Variants in CEMIP2 observed in about 807,000 individuals in gnomAD.
CEMIP2 encodes the protein cell migration inducing hyaluronidase 2.
In CEMIP2, 79 loss-of-function variants were observed where a neutral mutation model predicts 146.9. The observed-to-expected ratio is 0.54, with a 90% CI of 0.45 to 0.65. The LOEUF (loss-of-function observed/expected upper bound fraction) is 0.65, where lower values mean the gene tolerates loss of function less well. Among genes scored for constraint, CEMIP2 ranks in the 30% least tolerant of loss-of-function variants. CEMIP2 has a pLI of 0.00. For synonymous variants in CEMIP2, 601 were observed against 606.3 expected (o/e 0.99, Z 0.13); for missense variants, 1,596 against 1,696.2 (o/e 0.94, Z 1.04).
rs947579719 is a variant in CEMIP2 at position 71,747,511 on chromosome 9, T to C, written c.332-1170A>G. On this transcript the variant is annotated intron_variant, in intron 2 of 23. Transcript: ENST00000377044. ...CATGAGAACACTAGTAATGCAATTATCCCTTGAGATCCAAGTAGTCCATTT... is the reference window on the plus strand; with the variant it reads ...CATGAGAACACTAGTAATGCAATTACCCCTTGAGATCCAAGTAGTCCATTT... Among the ~76,000 whole-genome samples, 4 of 152,190 alleles carry C rather than the reference T, an allele frequency of 2.6e-5. No individual in the cohort carries two copies. In the South Asian group the frequency reaches 6.2e-4, roughly 24 times the overall value.
At chr9:71,720,492 G>A (rs1351468634) in intron 12 of CEMIP2, among the ~76,000 whole-genome samples, 4 of 152,020 alleles carry the variant, frequency 2.6e-5, no homozygotes, top group Admixed American at 6.6e-5. Context: ...GGGCTTCACC[G>A]TGTTGGCCAG....
Position 71,718,003 on chromosome 9 carries a change from T to G in CEMIP2, c.2344A>C (p.Asn782His), listed in dbSNP as rs938685844. 6.2e-7 allele frequency: 1 copy of G among 1,613,362 alleles called. No individual in the cohort carries two copies. Among genetic ancestry groups the G allele is most frequent in the Middle Eastern group, 1.7e-4 (1 of 6,016 alleles). ...ALIDRLIAFK[N>H]NDNGAWVRGG... ...CTGACCCAAGCTCCATTATCATTAT[T>G]TTTAAAAGCAATGAGCCTGTCAATT... Residue 782 changes from asparagine to histidine, a missense_variant, in exon 13 of 24, where the codon AAT (asparagine) becomes CAT (histidine). Physicochemically the swap from Asn to His is moderately conservative, Grantham distance 68 (BLOSUM62 1). Transcript: ENST00000377044.
At chr9:71,711,897 G>A (rs1822915551) in intron 16 of CEMIP2, among the ~76,000 whole-genome samples, 186 bp downstream of exon 16, 1 of 152,122 alleles carries the variant, frequency 6.6e-6, no homozygotes, top group African/African-American at 2.4e-5. Context: ...AGAGTCACAC[G>A]GGACTTCTGT....
At chr9:71,712,769 A>G (rs1822946043) in intron 15 of CEMIP2, among the ~76,000 whole-genome samples, 1 of 152,232 alleles carries the variant, frequency 6.6e-6, no homozygotes, top group African/African-American at 2.4e-5. Context: ...AAGGCTTACC[A>G]TGTCAACAGG....
In CEMIP2 at chr9:71,734,853, G is replaced by A; in HGVS notation, c.1346C>T (p.Thr449Ile). The A allele has an allele frequency of 3.1e-6, 5 of 1,613,896 alleles. No individual in the cohort carries two copies. The highest frequency in any genetic ancestry group is 4.2e-6 in the Non-Finnish European group (5 of 1,179,916). The change falls in exon 6 of 24, where the codon ACT becomes ATT. Residue 449 changes from threonine to isoleucine, a missense_variant. Thr to Ile is a moderately conservative substitution (Grantham distance 89). Transcript: ENST00000377044. ...DYSMYQAEEF[T>I]LLPCSECSHF... ...GCTGCATTCAGAACAGGGAAGAAGA[G>A]TGAACTCCTCTGCTTGGTACATGGA... is the stretch of plus-strand genomic sequence containing the variant.
Position 71,698,009 on chromosome 9 carries a change from G to A in CEMIP2, c.3573C>T (p.Leu1191=). 4 of 1,614,144 alleles carry A rather than the reference G, an allele frequency of 2.5e-6. No homozygotes were observed. Among genetic ancestry groups the A allele is most frequent in the Non-Finnish European group, 3.4e-6 (4 of 1,180,014 alleles). The change falls in exon 20 of 24, where the codon CTC becomes CTT. Residue 1191 remains leucine (L), a synonymous_variant. Transcript: ENST00000377044. The stretch of plus-strand genomic sequence containing the variant: ...CCTGCCGAGTGCCACAGCCTTGACA[G>A]AGTCCAGTGAGCATGGCCGGCATCC... ...VKRMPAMLTG[L]CQGCGTRQVV...
Position 71,745,222 on chromosome 9 carries a change from G to A in CEMIP2, c.830C>T (p.Ala277Val), listed in dbSNP as rs756206672. Residue 277 changes from alanine to valine, a missense_variant, in exon 4 of 24, where the codon GCC becomes GTC. Ala to Val is a moderately conservative substitution (Grantham distance 64). Coordinates refer to ENST00000377044, the MANE Select transcript of CEMIP2 (RefSeq NM_013390.3). The stretch of plus-strand genomic sequence containing the variant: ...AAATCTCTCACTTTCCAAAATTTTG[G>A]CCGTGTCTTGGTCAATGACCCTCAC... Reference protein sequence around the residue: ...LNVRVIDQDTAKILESERFDT... With the variant: ...LNVRVIDQDTVKILESERFDT... 6.2e-7 allele frequency: 1 copy of A among 1,613,854 alleles called. No individual in the cohort carries two copies. Among genetic ancestry groups the A allele is most frequent in the African/African-American group, 1.3e-5 (1 of 74,844 alleles).
intron 22 of CEMIP2, among the ~76,000 whole-genome samples, chr9:71,687,692 A>G (rs1469617421): frequency 6.6e-6 from 1 of 152,028 alleles, no homozygotes; most frequent in Non-Finnish European, 1.5e-5. Flanking sequence ...AATAAAATTA[A>G]AAACAAAAAC....
intron 22 of CEMIP2, chr9:71,687,469 T>TGTGTGTGC (rs1428404479): frequency 6.6e-6 from 1 of 151,276 alleles, no homozygotes; most frequent in African/African-American, 2.4e-5. Context: ...TTTCTGTGTG[T>TGTGTGTGC]GTGTGTGTGT....
intron 4 of CEMIP2, 146 bp from the exon 5 acceptor site, chr9:71,740,378 C>G: frequency 1.1e-6 from 1 of 912,606 alleles, no homozygotes; most frequent in South Asian, 1.7e-5. Flanking sequence ...GGCTGCAGTT[C>G]CAAACCTTGA....
At chr9:71,694,414 C>T (rs1473639707) in intron 21 of CEMIP2, 95 bp downstream of exon 21, 49 of 980,352 alleles carry the variant, frequency 5.0e-5, no homozygotes, top group Non-Finnish European at 7.4e-5. Flanking sequence ...TGAGCCACCG[C>T]ACCCAGCCAA....
At chr9:71,742,510 A>G (rs1823951900) in intron 4 of CEMIP2, among the ~76,000 whole-genome samples, 1 of 152,192 alleles carries the variant, frequency 6.6e-6, no homozygotes, top group Non-Finnish European at 1.5e-5. Flanking sequence ...TACATTGGAG[A>G]TAACGTCAAT....
intron 1 of CEMIP2, among the ~76,000 whole-genome samples, chr9:71,759,899 C>A (rs1824579892): frequency 6.6e-6 from 1 of 151,456 alleles, no homozygotes; most frequent in Non-Finnish European, 1.5e-5. Flanking sequence ...ACTTTTTGAT[C>A]TCTAAAGGCT....
intron 1 of CEMIP2, among the ~76,000 whole-genome samples, chr9:71,759,996 T>A (rs1824582652): frequency 6.7e-6 from 1 of 148,268 alleles, no homozygotes; most frequent in Non-Finnish European, 1.5e-5. Context: ...AAACCTATAG[T>A]CCTAAAAAGA....
chr9:71,755,382 A>C (rs558220096), intron 1 of CEMIP2, among the ~76,000 whole-genome samples: 509 of 92,894 alleles, frequency 5.5e-3, no homozygotes, highest in Non-Finnish European at 6.7e-3. Context: ...CACACACACA[A>C]AATTAAATCA....
chr9:71,760,750 G>C (rs542607940), intron 1 of CEMIP2, among the ~76,000 whole-genome samples: 11 of 152,040 alleles, frequency 7.2e-5, no homozygotes, highest in Admixed American at 7.2e-4. Flanking sequence ...AAAATAAAAA[G>C]AGAGCAAAGT....
At chr9:71,715,158 A>G in intron 14 of CEMIP2, 69 bp from the exon 15 acceptor site, 1 of 1,533,104 alleles carries the variant, frequency 6.5e-7, no homozygotes, top group Non-Finnish European at 8.8e-7. Context: ...AAATGTAGGC[A>G]TGCTATAACT....
chr9:71,694,457 C>T, intron 21 of CEMIP2, 52 bp downstream of exon 21: 7 of 1,432,344 alleles, frequency 4.9e-6, no homozygotes, highest in African/African-American at 1.4e-5. Context: ...TAGTTTATGG[C>T]ATTTTGTTAT....
intron 12 of CEMIP2, among the ~76,000 whole-genome samples, chr9:71,720,466 A>G (rs1316777761): frequency 6.6e-6 from 1 of 151,960 alleles, no homozygotes; most frequent in East Asian, 1.9e-4. Context: ...AATTTTTTGT[A>G]TTTTTAGAAG....
Sources: gnomAD v4.1 joint callset for allele counts (sites outside exome capture counted in the v4.1 genomes callset) on GRCh38, gnomAD v4.1.1 for gene constraint, MANE v1.5 for transcripts, NCBI Gene and HGNC (gene_info 2026-07-23, HGNC 2026-07-21) for gene names.